Variants in ADAM23 observed in about 807,000 individuals in gnomAD.
ADAM23 encodes ADAM metallopeptidase domain 23, also known as disintegrin and metalloproteinase domain-containing protein 23.
In ADAM23, 33 loss-of-function variants were observed where a neutral mutation model predicts 120.1. The observed-to-expected ratio is 0.27, with a 90% confidence interval of 0.21 to 0.37. ADAM23 has a LOEUF of 0.37. Ranked by LOEUF, ADAM23 falls within the 10% of genes least tolerant of loss-of-function variation. The pLI, the probability that ADAM23 is intolerant of heterozygous loss-of-function variation, is 1.00. For synonymous variants in ADAM23, 367 were observed against 375.2 expected (o/e 0.98, Z 0.25); for missense variants, 862 against 1,058.2 (o/e 0.81, Z 2.57).
intron 3 of ADAM23, among the ~76,000 whole-genome samples, chr2:206,488,877 C>G (rs1280135596): frequency 6.6e-6 from 1 of 152,164 alleles, no homozygotes; most frequent in Non-Finnish European, 1.5e-5. Flanking sequence ...CCCAAAAGCA[C>G]CAAACTCCTG....
intron 24 of ADAM23, chr2:206,605,889 C>G: frequency 1.5e-6 from 1 of 662,300 alleles, no homozygotes; most frequent in South Asian, 1.6e-5. Context: ...GAGTAAGCAT[C>G]CTTGCCAGTT....
chr2:206,460,996 A>C lies in ADAM23; in HGVS notation c.432+15472A>C, dbSNP rs182859348. Among the ~76,000 whole-genome samples, 541 of 151,634 alleles carry C rather than the reference A, an allele frequency of 3.6e-3. 3 individuals are homozygous for C. Among genetic ancestry groups the C allele is most frequent in the Non-Finnish European group, 5.7e-3 (389 of 67,896 alleles). On this transcript the variant is annotated intron_variant, in intron 2 of 25. Transcript: ENST00000264377. ...CACAACACCATTTGTTGAAAAGACCATCCTTTCCCTTGTGAATGTTTTCCC... is the reference window on the plus strand; with the variant it reads ...CACAACACCATTTGTTGAAAAGACCCTCCTTTCCCTTGTGAATGTTTTCCC...
At chr2:206,458,317 C>G (rs1695342568) in intron 2 of ADAM23, among the ~76,000 whole-genome samples, 1 of 108,906 alleles carries the variant, frequency 9.2e-6, no homozygotes, top group South Asian at 2.9e-4. Flanking sequence ...GTGAACTGCT[C>G]TTTCATGAAT....
intron 20 of ADAM23, among the ~76,000 whole-genome samples, chr2:206,588,663 A>G (rs1698370638): frequency 6.6e-6 from 1 of 152,324 alleles, no homozygotes; most frequent in East Asian, 1.9e-4. Flanking sequence ...ACATTCCGTA[A>G]AAGTTCACGT....
rs371535547 is a variant in ADAM23 at position 206,465,550 on chromosome 2, G to A, written c.433-15682G>A. On this transcript the variant is annotated intron_variant, in intron 2 of 25. Coordinates refer to ENST00000264377, the MANE Select transcript of ADAM23 (RefSeq NM_003812.4). Reference sequence around the variant, plus strand: ...ATGTACTGTAAGTAGCTTTTATTTTGAGCTCTTAATCAAGTATTAATAGCA... The same window carrying A: ...ATGTACTGTAAGTAGCTTTTATTTTAAGCTCTTAATCAAGTATTAATAGCA... 3.4e-4 allele frequency among the ~76,000 whole-genome samples: 51 copies of A among 152,064 alleles called. No homozygotes were observed. In the East Asian group the frequency reaches 7.0e-3, roughly 21 times the overall value.
At chr2:206,570,641 T>C in intron 15 of ADAM23, 99 bp from the exon 16 acceptor site, 2 of 863,624 alleles carry the variant, frequency 2.3e-6, no homozygotes, top group Non-Finnish European at 3.8e-6. Context: ...GAATATCACA[T>C]GATAGCTGAT....
At chr2:206,584,739 C>G (rs760994685) in intron 18 of ADAM23, among the ~76,000 whole-genome samples, 1 of 152,154 alleles carries the variant, frequency 6.6e-6, no homozygotes, top group African/African-American at 2.4e-5. Flanking sequence ...GTGCCCTCCC[C>G]CAAGTTATGG....
intron 21 of ADAM23, 48 bp downstream of exon 21, chr2:206,589,562 C>CT (rs1483812029): frequency 1.1e-5 from 17 of 1,480,866 alleles, no homozygotes; most frequent in Non-Finnish European, 1.5e-5. Context: ...GGAAGCCCTT[C>CT]TTATGCAAGT....
At chr2:206,585,870 A>T (rs894353060) in intron 18 of ADAM23, among the ~76,000 whole-genome samples, 2 of 152,238 alleles carry the variant, frequency 1.3e-5, no homozygotes, top group Non-Finnish European at 2.9e-5. Context: ...AAAATAAATA[A>T]ATAAATAAAA....
chr2:206,460,821 TG>T (rs1695402148), intron 2 of ADAM23, among the ~76,000 whole-genome samples: 1 of 152,190 alleles, frequency 6.6e-6, no homozygotes. Flanking sequence ...CCAAATCCTA[TG>T]TTATGAAGGT....
At chr2:206,591,510 C>G (rs1034492326) in intron 21 of ADAM23, among the ~76,000 whole-genome samples, 1 of 152,098 alleles carries the variant, frequency 6.6e-6, no homozygotes. Flanking sequence ...TATAAATGCA[C>G]AAATGAATGA....
In ADAM23 at chr2:206,596,142, C is replaced by A. The variant is rs150120822; in HGVS notation, c.2339C>A (p.Pro780His). ...IRDPVRNLHPPKDEGPKGPSA... is the reference protein window; with the variant it reads ...IRDPVRNLHPHKDEGPKGPSA... ...GATCCAGTTAGGAACCTTCACCCCC[C>A]CAAGGATGAAGGACCCAAGGGTTTG... is the stretch of plus-strand genomic sequence containing the variant. Residue 780 changes from proline to histidine, a missense_variant, in exon 24 of 26, where the codon CCC (proline) becomes CAC (histidine). This residue lies in a region of ADAM23 where 617 missense variants were observed against 813.5 expected (regional missense o/e 0.76). Coordinates refer to ENST00000264377, the MANE Select transcript of ADAM23 (RefSeq NM_003812.4). The A allele has an allele frequency of 3.3e-4, 525 of 1,613,774 alleles. 1 individual carries two copies. The highest frequency in any genetic ancestry group is 4.1e-4 in the Non-Finnish European group (489 of 1,179,858).
At chr2:206,576,088 C>A (rs1698106824) in intron 18 of ADAM23, among the ~76,000 whole-genome samples, 1 of 152,198 alleles carries the variant, frequency 6.6e-6, no homozygotes, top group South Asian at 2.1e-4. Flanking sequence ...TTATGCATAT[C>A]TGTTTCTTAC....
rs1699032381 is a variant in ADAM23, at chr2:206,620,402, T to C, written c.*2775T>C. ...ATGTGTGTATGAATATGAAAGTTAATGCAACCATATCAATTGTAAAAATGG... is the reference window on the plus strand; with the variant it reads ...ATGTGTGTATGAATATGAAAGTTAACGCAACCATATCAATTGTAAAAATGG... On this transcript the variant is annotated 3_prime_UTR_variant, in exon 26 of 26. Transcript: ENST00000264377. The C allele has an allele frequency of 6.6e-6, 1 of 152,200 alleles. No homozygotes were observed. Among genetic ancestry groups the C allele is most frequent in the African/African-American group, 2.4e-5 (1 of 41,454 alleles). The allele number at this position is 152,200 out of a possible 1,614,324, so 9.4% of individuals were successfully genotyped here.
intron 3 of ADAM23, among the ~76,000 whole-genome samples, chr2:206,496,661 C>G (rs1338760041): frequency 6.6e-6 from 1 of 152,082 alleles, no homozygotes; most frequent in African/African-American, 2.4e-5. Context: ...CAGAGCACAA[C>G]TGAAGGAAAT....
chr2:206,616,547 T>C (rs923811237), intron 25 of ADAM23, among the ~76,000 whole-genome samples: 2 of 152,174 alleles, frequency 1.3e-5, no homozygotes, highest in Non-Finnish European at 2.9e-5. Context: ...CCTTTATACC[T>C]ATTTTGAGCT....
Position 206,548,263 on chromosome 2 carries a change from A to G in ADAM23, c.794-18A>G, listed in dbSNP as rs759296709. On this transcript the variant is annotated intron_variant, in intron 7 of 25. Coordinates refer to ENST00000264377, the MANE Select transcript of ADAM23 (RefSeq NM_003812.4). ...GAAATAAGCATAAAATTTTGATACT[A>G]ATTTTTCCTTTCTGCAGCTATGGAA... 24 of 1,608,972 alleles carry G rather than the reference A, an allele frequency of 1.5e-5. No homozygotes were observed. In the East Asian group the frequency reaches 3.3e-4, roughly 22 times the overall value.
chr2:206,463,737 A>G (rs959420736), intron 2 of ADAM23, among the ~76,000 whole-genome samples: 1 of 152,216 alleles, frequency 6.6e-6, no homozygotes, highest in African/African-American at 2.4e-5. Flanking sequence ...GATCAGGGGC[A>G]GGTCAGGATG....
chr2:206,517,712 A>G (rs1391490891), intron 3 of ADAM23, among the ~76,000 whole-genome samples: 1 of 151,936 alleles, frequency 6.6e-6, no homozygotes, highest in Non-Finnish European at 1.5e-5. Flanking sequence ...TGAGTTACCA[A>G]CCTTGGTGTG....
Sources: allele counts gnomAD v4.1 joint callset (sites outside exome capture counted in the v4.1 genomes callset), GRCh38; gene constraint gnomAD v4.1.1; regional missense constraint gnomAD v4.1.1; transcripts MANE v1.5; gene names NCBI Gene and HGNC (gene_info 2026-07-23, HGNC 2026-07-21).